RFX2: variants seen among roughly 807,000 people sequenced by gnomAD.
The protein encoded by RFX2 is regulatory factor X2.
In RFX2, 20 loss-of-function variants were observed where a neutral mutation model predicts 87.8. The observed-to-expected ratio is 0.23, with a 90% CI of 0.16 to 0.33. The LOEUF (loss-of-function observed/expected upper bound fraction) is 0.33, where lower values mean the gene tolerates loss of function less well. RFX2 is among the 10% of genes least tolerant of loss of function. The pLI is 1.00. For missense variants in RFX2, 767 were observed against 1,012.3 expected (o/e 0.76, Z 3.29); for synonymous variants, 397 against 431.3 (o/e 0.92, Z 0.98).
intron 1 of RFX2, among the ~76,000 whole-genome samples, chr19:6,103,459 C>T (rs550038553): frequency 6.6e-6 from 1 of 152,308 alleles, no homozygotes; most frequent in Non-Finnish European, 1.5e-5. Context: ...AACTCAAGTC[C>T]TGGCACGAAG....
At chr19:6,075,492 G>A (rs918812553) in intron 1 of RFX2, among the ~76,000 whole-genome samples, 7 of 152,232 alleles carry the variant, frequency 4.6e-5, no homozygotes, top group African/African-American at 1.7e-4. Flanking sequence ...CGTGATAGCA[G>A]TGCTCTCATT....
chr19:6,090,942 T>A (rs1201549062), intron 1 of RFX2, among the ~76,000 whole-genome samples: 7 of 152,164 alleles, frequency 4.6e-5, no homozygotes, highest in Non-Finnish European at 7.4e-5. Context: ...GTGAAAGAAG[T>A]CAGTCACGAA....
intron 1 of RFX2, among the ~76,000 whole-genome samples, chr19:6,099,811 T>A (rs2088090400): frequency 6.6e-6 from 1 of 152,156 alleles, no homozygotes; most frequent in Non-Finnish European, 1.5e-5. Context: ...TGTTGATTAG[T>A]CCAGCAGCCC....
intron 5 of RFX2, among the ~76,000 whole-genome samples, chr19:6,033,574 G>T (rs2086977534): frequency 1.6e-5 from 2 of 127,848 alleles, no homozygotes; most frequent in Admixed American, 9.1e-5. Flanking sequence ...CTTTCAAAGG[G>T]TTACTTGTAA....
chr19:6,003,324 C>T (rs2086520598), intron 13 of RFX2, among the ~76,000 whole-genome samples: 1 of 152,124 alleles, frequency 6.6e-6, no homozygotes, highest in South Asian at 2.1e-4. Context: ...CTCTGTCTCC[C>T]AAAGTGCTGG....
intron 16 of RFX2, among the ~76,000 whole-genome samples, chr19:5,996,350 C>T (rs114868188): frequency 0.014 from 2,174 of 152,340 alleles, 45 homozygotes; most frequent in African/African-American, 0.048. Context: ...GTCAGCACAG[C>T]GCGGCCAGCC....
At chr19:6,095,184 G>A (rs1383027891) in intron 1 of RFX2, among the ~76,000 whole-genome samples, 1 of 152,186 alleles carries the variant, frequency 6.6e-6, no homozygotes, top group East Asian at 1.9e-4. Flanking sequence ...CACGTGGCTT[G>A]TGTTATGTTT....
chr19:6,003,856 GGC>G (rs2086533494), intron 13 of RFX2, among the ~76,000 whole-genome samples: 1 of 149,792 alleles, frequency 6.7e-6, no homozygotes, highest in South Asian at 2.1e-4. Context: ...TCCACAAGTC[GGC>G]CAAGGTTCTA....
intron 1 of RFX2, among the ~76,000 whole-genome samples, chr19:6,048,777 G>A (rs897851040): frequency 6.6e-6 from 1 of 152,134 alleles, no homozygotes; most frequent in African/African-American, 2.4e-5. Context: ...ATTTACCTAA[G>A]GAAAGCAGAA....
At chr19:6,049,691 G>A (rs372419194) in intron 1 of RFX2, among the ~76,000 whole-genome samples, 2 of 152,268 alleles carry the variant, frequency 1.3e-5, no homozygotes. Flanking sequence ...ATCATGCCTG[G>A]CTAATTTTTG....
Position 6,040,131 on chromosome 19 carries a change from G to A in RFX2, c.371C>T (p.Pro124Leu), listed in dbSNP as rs766412307. Residue 124 changes from proline (P) to leucine (L), a missense_variant, in exon 5 of 18, where the codon CCG becomes CTG. By Grantham distance (98) the Pro-to-Leu change is moderately conservative. Coordinates refer to ENST00000303657, the MANE Select transcript of RFX2 (RefSeq NM_000635.4). The surrounding 1 kb of genome is among the most constrained non-coding windows in gnomAD (Gnocchi z 6.1). ...GAQVTVAASS[P>L]PAVPSHSMVG... ...CATGCTGTGGGAGGGGACCGCTGGC[G>A]GGGACGAGGCTGCCACGGTCACCTG... The A allele has an allele frequency of 1.6e-5, 25 of 1,609,842 alleles. No homozygotes were observed. The highest frequency in any genetic ancestry group is 4.0e-5 in the African/African-American group (3 of 74,988).
chr19:6,065,886 C>A (rs2087502414), intron 1 of RFX2, among the ~76,000 whole-genome samples: 1 of 150,046 alleles, frequency 6.7e-6, no homozygotes, highest in African/African-American at 2.5e-5. Context: ...GCTGTTGCTG[C>A]ATTAGTCAGA....
intron 7 of RFX2, among the ~76,000 whole-genome samples, chr19:6,014,974 A>T (rs645760): frequency 1.3e-5 from 2 of 152,062 alleles, no homozygotes; most frequent in African/African-American, 4.8e-5. Context: ...GCAGCAGCCT[A>T]CTGCACTCTC....
chr19:6,019,067 C>T (rs905988937), intron 6 of RFX2, among the ~76,000 whole-genome samples: 3 of 152,144 alleles, frequency 2.0e-5, no homozygotes, highest in African/African-American at 4.8e-5. Context: ...ACCCCCCCGC[C>T]ATGAGTGCAG....
At chr19:6,091,222 T>C (rs1277672301) in intron 1 of RFX2, among the ~76,000 whole-genome samples, 1 of 152,184 alleles carries the variant, frequency 6.6e-6, no homozygotes, top group African/African-American at 2.4e-5. Flanking sequence ...CTGGGTGTGG[T>C]GGCGCATGCC....
At position 6,074,712 on chromosome 19, in the gene RFX2, G is replaced by A. The variant is rs139883244; in HGVS notation, c.-8-27208C>T. On this transcript the variant is annotated intron_variant, in intron 1 of 17. Coordinates refer to ENST00000303657, the MANE Select transcript of RFX2 (RefSeq NM_000635.4). The surrounding 1 kb of genome is among the most constrained non-coding windows in gnomAD (Gnocchi z 5.2). ...AAGTGGAGTGCGGCATGGGCCAGGG[G>A]CAACAAGGTGACCTGGGGCAGTGAC... Among the ~76,000 whole-genome samples the A allele has an allele frequency of 6.6e-6, 1 of 152,296 alleles. No individual in the cohort carries two copies. The highest frequency in any genetic ancestry group is 1.9e-4 in the East Asian group (1 of 5,146).
chr19:5,996,136 G>A (rs2086403231), intron 16 of RFX2, among the ~76,000 whole-genome samples: 1 of 150,580 alleles, frequency 6.6e-6, no homozygotes, highest in Non-Finnish European at 1.5e-5. Context: ...GGTAGTAAGA[G>A]TGCAGGGACC....
intron 1 of RFX2, among the ~76,000 whole-genome samples, chr19:6,102,059 T>A (rs1279176471): frequency 1.3e-5 from 2 of 152,202 alleles, no homozygotes; most frequent in African/African-American, 4.8e-5. Flanking sequence ...ACTCTATGAT[T>A]CCACTTATAT....
intron 1 of RFX2, chr19:6,072,920 G>T: frequency 1.1e-6 from 1 of 887,888 alleles, no homozygotes; most frequent in Non-Finnish European, 1.8e-6. Flanking sequence ...AAAATTAAGT[G>T]TAACTGGAGG....
Sources: gnomAD v4.1 joint callset for allele counts (sites outside exome capture counted in the v4.1 genomes callset) on GRCh38, gnomAD v4.1.1 for gene constraint, Gnocchi (gnomAD v3.1) non-coding constraint, MANE v1.5 for transcripts, NCBI Gene and HGNC (gene_info 2026-07-23, HGNC 2026-07-21) for gene names.